Variants in GABRG3 observed in about 807,000 individuals in gnomAD.
GABRG3 encodes gamma-aminobutyric acid receptor subunit gamma-3.
In GABRG3, 25 loss-of-function variants were observed where a neutral mutation model predicts 48.8. The ratio of observed to expected loss-of-function variants is 0.51; its 90% confidence interval spans 0.37 to 0.72. The LOEUF is 0.72. GABRG3 is among the 30% of genes least tolerant of loss of function. The probability of loss-of-function intolerance (pLI) is 0.00; values close to 1 mark genes in which losing one functional copy is unlikely to be tolerated. For missense variants in GABRG3, 394 were observed against 577.9 expected (o/e 0.68, Z 3.26); for synonymous variants, 227 against 217.6 (o/e 1.04, Z -0.38).
chr15:27,410,845 C>CATGT (rs146416522), intron 5 of GABRG3, among the ~76,000 whole-genome samples: 3 of 143,630 alleles, frequency 2.1e-5, no homozygotes, highest in African/African-American at 7.8e-5. Context: ...TGCGCACGCT[C>CATGT]GTGTGTGTGT....
At chr15:27,477,840 A>G (rs1199611108) in intron 5 of GABRG3, among the ~76,000 whole-genome samples, 1 of 152,146 alleles carries the variant, frequency 6.6e-6, no homozygotes. Context: ...GGAGATCAAG[A>G]CCATCCTGGC....
intron 3 of GABRG3, among the ~76,000 whole-genome samples, chr15:27,184,324 G>C (rs182634767): frequency 1.2e-3 from 179 of 152,216 alleles, no homozygotes; most frequent in Middle Eastern, 3.4e-3. Context: ...TGACAGAAAG[G>C]GTAACTGGGA....
intron 5 of GABRG3, among the ~76,000 whole-genome samples, chr15:27,458,276 C>G (rs2150834297): frequency 6.6e-6 from 1 of 152,328 alleles, no homozygotes; most frequent in Admixed American, 6.5e-5. Context: ...TGACATCGCT[C>G]CATCCTCATA....
intron 3 of GABRG3, among the ~76,000 whole-genome samples, chr15:27,178,647 A>G (rs560964724): frequency 2.8e-4 from 43 of 152,234 alleles, no homozygotes; most frequent in Non-Finnish European, 5.4e-4. Flanking sequence ...CTGTTTTTAT[A>G]ATTAGTTTCA....
intron 3 of GABRG3, among the ~76,000 whole-genome samples, chr15:27,205,001 C>CTTTTTTTCTTCCTATTTGTGTGTCT (rs1888807671): frequency 6.6e-6 from 1 of 151,886 alleles, no homozygotes; most frequent in Non-Finnish European, 1.5e-5. Context: ...GATAGTTCAA[C>CTTTTTTTCTTCCTATTTGTGTGTCT]TTTTTTTCTT....
chr15:27,337,208 A>G (rs2140525607), intron 5 of GABRG3, among the ~76,000 whole-genome samples: 1 of 152,324 alleles, frequency 6.6e-6, no homozygotes, highest in Middle Eastern at 3.4e-3. Flanking sequence ...CTTCATTTTC[A>G]GATGAACACT....
chr15:27,393,061 G>A (rs1887185448), intron 5 of GABRG3, among the ~76,000 whole-genome samples: 1 of 152,122 alleles, frequency 6.6e-6, no homozygotes, highest in South Asian at 2.1e-4. Flanking sequence ...AAATCTGGAT[G>A]TGGTCTGGGC....
rs751720072 is a variant in GABRG3 at position 27,532,783 on chromosome 15, A to G, written c.1306A>G (p.Ile436Val). 6.8e-6 allele frequency: 11 copies of G among 1,614,028 alleles called. No homozygotes were observed. In the Admixed American group the frequency reaches 1.0e-4, roughly 15 times the overall value. The stretch of plus-strand genomic sequence containing the variant: ...ATCCTGGAGGAAAGGGCGTATTCAC[A>G]TAGACATCTTGGAGCTGGACTCGTA... Reference protein sequence around the residue: ...SGSWRKGRIHIDILELDSYSR... With the variant: ...SGSWRKGRIHVDILELDSYSR... Residue 436 changes from isoleucine (I) to valine (V), a missense_variant, in exon 10 of 10, where the codon ATA becomes GTA. Ile to Val is a conservative substitution (Grantham distance 29). This residue lies in a region of GABRG3 where 126 missense variants were observed against 155.5 expected (regional missense o/e 0.81). Transcript: ENST00000615808.
At chr15:27,169,671 C>A (rs139681866) in intron 3 of GABRG3, among the ~76,000 whole-genome samples, 62 of 152,262 alleles carry the variant, frequency 4.1e-4, no homozygotes, top group African/African-American at 1.4e-3. Context: ...CACTCCATCT[C>A]GGCAGGCTCA....
intron 3 of GABRG3, among the ~76,000 whole-genome samples, chr15:27,249,628 A>G (rs997973930): frequency 1.3e-5 from 2 of 152,136 alleles, no homozygotes; most frequent in South Asian, 2.1e-4. Context: ...CTGTGCCCTG[A>G]GCCCCTCAAC....
rs868417606 is a variant in GABRG3, at chr15:27,308,387, A to G, written c.271-18422A>G. Among the ~76,000 whole-genome samples, 39 of 145,750 alleles carry G rather than the reference A, an allele frequency of 2.7e-4. No homozygotes were observed. The South Asian group carries it at 6.7e-3, about 25-fold the overall frequency. On this transcript the variant is annotated intron_variant, in intron 3 of 9. Transcript: ENST00000615808. ...TAAACATATAAACATTTGTTTATATATAAACATATAATATAAACATATATA... is the reference window on the plus strand; with the variant it reads ...TAAACATATAAACATTTGTTTATATGTAAACATATAATATAAACATATATA...
At chr15:27,189,738 C>T (rs555172433) in intron 3 of GABRG3, among the ~76,000 whole-genome samples, 9 of 152,080 alleles carry the variant, frequency 5.9e-5, no homozygotes, top group South Asian at 2.1e-4. Flanking sequence ...GCCTAATTGC[C>T]GTGGCCAGAA....
chr15:27,235,331 G>A (rs1889925606), intron 3 of GABRG3, among the ~76,000 whole-genome samples: 1 of 152,196 alleles, frequency 6.6e-6, no homozygotes, highest in Admixed American at 6.5e-5. Context: ...CTAGTTCACA[G>A]GTGAACCGCC....
At chr15:27,058,322 G>A (rs1000440082) in intron 3 of GABRG3, among the ~76,000 whole-genome samples, 2 of 152,214 alleles carry the variant, frequency 1.3e-5, no homozygotes, top group African/African-American at 4.8e-5. Context: ...GCACAGCAGA[G>A]CTCAGAATTA....
intron 3 of GABRG3, among the ~76,000 whole-genome samples, chr15:27,143,525 A>C (rs1043326513): frequency 6.6e-6 from 1 of 152,234 alleles, no homozygotes; most frequent in Non-Finnish European, 1.5e-5. Flanking sequence ...AGAATCTTTC[A>C]TGCTAGCAGA....
chr15:27,318,943 T>C (rs1893326587), intron 3 of GABRG3, among the ~76,000 whole-genome samples: 1 of 152,188 alleles, frequency 6.6e-6, no homozygotes, highest in Non-Finnish European at 1.5e-5. Flanking sequence ...GCAGTTAAGT[T>C]CCGCAGGCCT....
At chr15:27,002,712 C>A (rs1895472372) in intron 2 of GABRG3, among the ~76,000 whole-genome samples, 1 of 122,590 alleles carries the variant, frequency 8.2e-6, no homozygotes, top group African/African-American at 3.2e-5. Flanking sequence ...AGTTTGAGAG[C>A]AGCCTGGGAA....
In GABRG3 at chr15:27,526,952, G is replaced by A. The variant is rs565577719; in HGVS notation, c.866-481G>A. Among the ~76,000 whole-genome samples, 11 of 152,250 alleles carry A rather than the reference G, an allele frequency of 7.2e-5. No individual in the cohort carries two copies. The South Asian group carries it at 1.7e-3, about 23-fold the overall frequency. ...ACAAAAAAAGCTGAGATAGTAGAAG[G>A]TACAGGGATACTGCAGATGTGCATG... On this transcript the variant is annotated intron_variant, in intron 7 of 9. Transcript: ENST00000615808.
intron 5 of GABRG3, among the ~76,000 whole-genome samples, chr15:27,343,960 A>AG (rs1292970589): frequency 6.6e-6 from 1 of 151,520 alleles, no homozygotes; most frequent in African/African-American, 2.4e-5. Context: ...AGGATCTGGA[A>AG]AAAATCAGAA....
Sources: gnomAD v4.1 joint callset for allele counts (sites outside exome capture counted in the v4.1 genomes callset) on GRCh38, gnomAD v4.1.1 for gene constraint, gnomAD v4.1.1 regional missense constraint, MANE v1.5 for transcripts, NCBI Gene and HGNC (gene_info 2026-07-23, HGNC 2026-07-21) for gene names.